TRMT13: variants seen among roughly 807,000 people sequenced by gnomAD.
TRMT13 encodes tRNA:m(4)X modification enzyme TRM13 homolog.
In TRMT13, 45 loss-of-function variants were observed where a neutral mutation model predicts 55.9. The ratio of observed to expected loss-of-function variants is 0.80; its 90% CI spans 0.63 to 1.03. The LOEUF (loss-of-function observed/expected upper bound fraction) is 1.03. TRMT13 is among the 50% of genes least tolerant of loss of function. The pLI is 0.00. For synonymous variants in TRMT13, 183 were observed against 196.3 expected, an observed-to-expected ratio of 0.93 and a Z score of 0.57; for missense variants, 513 against 563.9, an observed-to-expected ratio of 0.91 and a Z score of 0.91.
chr1:100,141,817 G>A (rs925623187), intron 7 of TRMT13, among the ~76,000 whole-genome samples: 1 of 152,190 alleles, frequency 6.6e-6, no homozygotes, highest in Non-Finnish European at 1.5e-5. Flanking sequence ...ACTAAATCTT[G>A]AAAGGTGAAT....
At position 100,149,943 on chromosome 1, in the gene TRMT13, C is replaced by T. The variant is rs957814143; in HGVS notation, c.*1123C>T. 2 of 152,410 alleles carry T rather than the reference C, an allele frequency of 1.3e-5. No individual in the cohort carries two copies. The highest frequency in any genetic ancestry group is 2.9e-5 in the Non-Finnish European group (2 of 68,296). 9.4% of individuals were successfully genotyped at this position (152,410 alleles called of 1,614,324 possible). Reference sequence around the variant, plus strand: ...ATTATATGATTTGTAAATAAGAAGCCTAACCAATTTAAAATTCCTGACTTT... The same window carrying T: ...ATTATATGATTTGTAAATAAGAAGCTTAACCAATTTAAAATTCCTGACTTT... On this transcript the variant is annotated 3_prime_UTR_variant, in exon 11 of 11. Transcript: ENST00000370141.
chr1:100,136,492 CCT>C (rs1428236207), intron 1 of TRMT13, among the ~76,000 whole-genome samples: 9 of 151,990 alleles, frequency 5.9e-5, no homozygotes, highest in African/African-American at 1.2e-4. Flanking sequence ...TTTGTACAAA[CCT>C]AATATGTGAT....
chr1:100,137,684 T>TA (rs1223837253), intron 3 of TRMT13, among the ~76,000 whole-genome samples: 6 of 152,198 alleles, frequency 3.9e-5, no homozygotes, highest in Non-Finnish European at 8.8e-5. Context: ...GGAAAAAAGA[T>TA]AATCAGTGCC....
chr1:100,143,226 T>C lies in TRMT13; in HGVS notation c.742+17T>C, dbSNP rs1312896381. ...TGTGTTTGAGTAAGTTGTGTAACTT[T>C]CCATTGGTCTACAAATAAATCATAA... is the stretch of plus-strand genomic sequence containing the variant. On this transcript the variant is annotated intron_variant, in intron 8 of 10. Transcript: ENST00000370141. The C allele has an allele frequency of 6.6e-7, 1 of 1,525,406 alleles. No individual in the cohort carries two copies. Among genetic ancestry groups the C allele is most frequent in the South Asian group, 1.1e-5 (1 of 87,966 alleles). 94.5% of individuals were successfully genotyped at this position (1,525,406 alleles called of 1,614,324 possible). A position where few individuals can be genotyped will look rare whatever the true frequency, so the allele number is the denominator to read the frequency against.
intron 4 of TRMT13, 49 bp from the exon 5 acceptor site, chr1:100,140,133 C>T: frequency 7.1e-7 from 1 of 1,398,844 alleles, no homozygotes; most frequent in Admixed American, 1.9e-5. Flanking sequence ...TGTTATGCTA[C>T]TTTAAAGCAA....
chr1:100,138,697 CTT>C lies in TRMT13; in HGVS notation c.262-948_262-947del, dbSNP rs540662289. 2.8e-3 allele frequency among the ~76,000 whole-genome samples: 431 copies of C among 152,058 alleles called. 3 individuals are homozygous for C. The highest frequency in any genetic ancestry group is 0.01 in the African/African-American group (416 of 41,460). Reference sequence around the variant, plus strand: ...TGAAACAGGATTTGTAGAAACAGTACTTTTTCATTCATCTAGATCCACACCGT... The same window carrying C: ...TGAAACAGGATTTGTAGAAACAGTACTTTCATTCATCTAGATCCACACCGT... On this transcript the variant is annotated intron_variant, in intron 3 of 10. Transcript: ENST00000370141.
At chr1:100,134,979 G>T (rs1389732481) in intron 1 of TRMT13, among the ~76,000 whole-genome samples, 1 of 152,058 alleles carries the variant, frequency 6.6e-6, no homozygotes, top group African/African-American at 2.4e-5. Flanking sequence ...TAGCTGTGAT[G>T]ACACCACTCA....
Position 100,149,519 on chromosome 1 carries a change from A to G in TRMT13, c.*699A>G. ...TAGAACTTCCAAAAAGATACTTACAAACATAATTCACAAATTTGAAATAAT... is the reference window on the plus strand; with the variant it reads ...TAGAACTTCCAAAAAGATACTTACAGACATAATTCACAAATTTGAAATAAT... On this transcript the variant is annotated 3_prime_UTR_variant, in exon 11 of 11. Transcript: ENST00000370141. 7.7e-7 allele frequency: 1 copy of G among 1,294,382 alleles called. No homozygotes were observed. The highest frequency in any genetic ancestry group is 1.5e-5 in the African/African-American group (1 of 65,890). The allele number at this position is 1,294,382 out of a possible 1,614,324, so 80.2% of individuals were successfully genotyped here. A position where few individuals can be genotyped will look rare whatever the true frequency, so the allele number is the denominator to read the frequency against.
At chr1:100,142,839 G>A (rs940769242) in intron 7 of TRMT13, 2 of 324,252 alleles carry the variant, frequency 6.2e-6, no homozygotes, top group Admixed American at 4.8e-5. Context: ...CAAAGATAAA[G>A]GAGCTAGTAG....
rs891487563 is a variant in TRMT13 at position 100,150,415 on chromosome 1, A to C, written c.*1595A>C. ...TAATTAACCTTTTTTTATTGTGTCA[A>C]GCAATACTAATTTGTGTCATAAAAT... On this transcript the variant is annotated 3_prime_UTR_variant, in exon 11 of 11. Coordinates refer to ENST00000370141, the MANE Select transcript of TRMT13 (RefSeq NM_019083.3). 16 of 152,228 alleles carry C rather than the reference A, an allele frequency of 1.1e-4. No individual in the cohort carries two copies. The highest frequency in any genetic ancestry group is 3.9e-4 in the African/African-American group (16 of 41,466). 9.4% of individuals were successfully genotyped at this position (152,228 alleles called of 1,614,324 possible).
chr1:100,145,869 T>C (rs1418384059), intron 9 of TRMT13, among the ~76,000 whole-genome samples: 2 of 152,188 alleles, frequency 1.3e-5, no homozygotes, highest in African/African-American at 4.8e-5. Flanking sequence ...AGACCCTATC[T>C]CAATCGGTCA....
chr1:100,147,326 AT>A (rs1489311004), intron 9 of TRMT13, among the ~76,000 whole-genome samples: 1 of 152,232 alleles, frequency 6.6e-6, no homozygotes, highest in Non-Finnish European at 1.5e-5. Flanking sequence ...TGTTTGTTAA[AT>A]AAATGAATAA....
intron 9 of TRMT13, 139 bp from the exon 10 acceptor site, chr1:100,147,755 T>G: frequency 4.2e-6 from 3 of 708,594 alleles, no homozygotes; most frequent in South Asian, 4.7e-5. Context: ...CATGATAGTA[T>G]TATTACAAAT....
At chr1:100,133,377 G>T in intron 1 of TRMT13, 62 bp downstream of exon 1, 2 of 1,547,096 alleles carry the variant, frequency 1.3e-6, no homozygotes, top group East Asian at 4.7e-5. Flanking sequence ...GTCGGTGCTG[G>T]AACCCGGCCC....
intron 9 of TRMT13, among the ~76,000 whole-genome samples, chr1:100,147,559 C>G (rs1311056377): frequency 6.6e-6 from 1 of 152,146 alleles, no homozygotes. Context: ...ATAAAGTTTT[C>G]CCATACAAGT....
intron 3 of TRMT13, among the ~76,000 whole-genome samples, chr1:100,137,964 T>TA (rs1460381930): frequency 6.6e-6 from 1 of 152,222 alleles, no homozygotes; most frequent in African/African-American, 2.4e-5. Flanking sequence ...ATATCTTCCT[T>TA]ACCTAAGTTC....
In TRMT13 at chr1:100,147,941, G is replaced by T; in HGVS notation, c.865G>T (p.Glu289Ter). The change falls in exon 10 of 11, where the codon GAA (glutamate) becomes TAA (stop). Residue 289 changes from glutamate (E) to a stop codon, truncating the protein, a stop_gained. Transcript: ENST00000370141. LOFTEE classifies it high-confidence loss of function. ...TGAAACCTATGCTGCCAGTTTTGAG[G>T]AAAGGAATGAAGAACCTTTAGCCAA... The part of the protein sequence containing the change: ...LVETYAASFE[E>*]RNEEPLAKRI... 1 of 1,612,116 alleles carries T rather than the reference G, an allele frequency of 6.2e-7. No homozygotes were observed. The highest frequency in any genetic ancestry group is 8.5e-7 in the Non-Finnish European group (1 of 1,179,340).
intron 9 of TRMT13, chr1:100,144,615 G>C (rs908760305): frequency 6.5e-6 from 1 of 152,888 alleles, no homozygotes; most frequent in Non-Finnish European, 1.5e-5. Flanking sequence ...TGATCCATCA[G>C]ATCTAGCATG....
chr1:100,143,176 A>G lies in TRMT13; in HGVS notation c.709A>G (p.Arg237Gly). The G allele has an allele frequency of 1.2e-6, 2 of 1,610,630 alleles. No individual in the cohort carries two copies. The highest frequency in any genetic ancestry group is 1.7e-6 in the Non-Finnish European group (2 of 1,177,996). ...KHRKKNSVFE[R>G]LQIDIQHLCL... ...CAGAAAGAAAAATTCAGTGTTTGAAAGACTTCAAATTGATATTCAACACTT... is the reference window on the plus strand; with the variant it reads ...CAGAAAGAAAAATTCAGTGTTTGAAGGACTTCAAATTGATATTCAACACTT... Residue 237 changes from arginine to glycine, a missense_variant, in exon 8 of 11, where the codon AGA becomes GGA. Arg to Gly is a moderately radical substitution (Grantham distance 125). Coordinates refer to ENST00000370141, the MANE Select transcript of TRMT13 (RefSeq NM_019083.3).
Sources: allele counts gnomAD v4.1 joint callset (sites outside exome capture counted in the v4.1 genomes callset), GRCh38; gene constraint gnomAD v4.1.1; transcripts MANE v1.5; gene names NCBI Gene and HGNC (gene_info 2026-07-23, HGNC 2026-07-21).